Variants in GULP1 observed in about 807,000 individuals in gnomAD.
The protein encoded by GULP1 is PTB domain-containing engulfment adapter protein 1.
Under a neutral mutation model 40.9 loss-of-function variants are expected in GULP1, and 19 were observed. The observed-to-expected ratio is 0.46, with a 90% CI of 0.32 to 0.68. GULP1 has a LOEUF of 0.68. GULP1 is among the 30% of genes least tolerant of loss of function. GULP1 has a pLI of 0.03. For missense variants in GULP1, 312 were observed against 362.2 expected (o/e 0.86, Z 1.12); for synonymous variants, 119 against 117.6 (o/e 1.01, Z -0.08).
chr2:188,530,620 C>T (rs1023549541), intron 6 of GULP1, among the ~76,000 whole-genome samples: 4 of 152,060 alleles, frequency 2.6e-5, no homozygotes, highest in African/African-American at 4.8e-5. Context: ...GTAAGGACCA[C>T]GTGAAGGCAG....
At chr2:188,327,770 TTAG>T (rs1213739195) in intron 1 of GULP1, among the ~76,000 whole-genome samples, 2 of 152,150 alleles carry the variant, frequency 1.3e-5, no homozygotes, top group African/African-American at 2.4e-5. Flanking sequence ...TATTTTGCAC[TTAG>T]TAGAATATTT....
intron 1 of GULP1, among the ~76,000 whole-genome samples, chr2:188,368,065 T>A (rs2047039844): frequency 6.6e-6 from 1 of 152,180 alleles, no homozygotes; most frequent in Non-Finnish European, 1.5e-5. Context: ...CTTCTCTTTC[T>A]CTTTTTCTTC....
intron 4 of GULP1, among the ~76,000 whole-genome samples, chr2:188,489,548 C>A (rs1386332629): frequency 1.3e-5 from 2 of 151,778 alleles, no homozygotes; most frequent in African/African-American, 4.8e-5. Flanking sequence ...TATATTCATT[C>A]CAAACATTTT....
At chr2:188,515,226 A>G (rs1226904317) in intron 4 of GULP1, among the ~76,000 whole-genome samples, 2 of 152,132 alleles carry the variant, frequency 1.3e-5, no homozygotes, top group East Asian at 1.9e-4. Context: ...ATTCAGGAGT[A>G]TTAATGTCTC....
At chr2:188,320,867 AG>A (rs2039871183) in intron 1 of GULP1, among the ~76,000 whole-genome samples, 1 of 151,830 alleles carries the variant, frequency 6.6e-6, no homozygotes, top group African/African-American at 2.4e-5. Flanking sequence ...ATATGTTTTC[AG>A]ACATGTTAAT....
intron 4 of GULP1, among the ~76,000 whole-genome samples, chr2:188,522,398 A>G (rs2065876820): frequency 1.3e-5 from 2 of 152,124 alleles, no homozygotes; most frequent in Admixed American, 6.5e-5. Flanking sequence ...CATGCTTTGA[A>G]TGAAAAATAA....
chr2:188,510,678 A>G (rs2064424044), intron 4 of GULP1, among the ~76,000 whole-genome samples: 1 of 152,066 alleles, frequency 6.6e-6, no homozygotes, highest in African/African-American at 2.4e-5. Context: ...ATATGTGTAG[A>G]TATCCTAAAA....
At chr2:188,589,030 C>G (rs1702985859) in intron 11 of GULP1, 1 of 152,066 alleles carries the variant, frequency 6.6e-6, no homozygotes, top group African/African-American at 2.4e-5. Context: ...CAGTGTTTCT[C>G]AAGTTGAATG....
chr2:188,357,819 A>C (rs954334798), intron 1 of GULP1, among the ~76,000 whole-genome samples: 2 of 152,194 alleles, frequency 1.3e-5, no homozygotes, highest in Non-Finnish European at 1.5e-5. Context: ...CTTAGTGTAC[A>C]TAAACAGATG....
intron 7 of GULP1, among the ~76,000 whole-genome samples, chr2:188,557,115 C>T (rs150953234): frequency 1.3e-5 from 2 of 152,086 alleles, no homozygotes; most frequent in Non-Finnish European, 2.9e-5. Context: ...GTTTGACATG[C>T]GATTTGATAG....
chr2:188,375,909 C>T (rs1203291710), intron 1 of GULP1, among the ~76,000 whole-genome samples: 2 of 151,960 alleles, frequency 1.3e-5, no homozygotes, highest in Non-Finnish European at 2.9e-5. Flanking sequence ...ATTCCAGGGC[C>T]ACCAGCAGAT....
intron 3 of GULP1, among the ~76,000 whole-genome samples, chr2:188,482,151 A>T (rs1474598777): frequency 1.3e-5 from 2 of 151,916 alleles, no homozygotes; most frequent in East Asian, 3.9e-4. Flanking sequence ...TTGTATTGGA[A>T]ATACTTGAGA....
chr2:188,532,295 CAATT>C (rs1687751736), intron 6 of GULP1, among the ~76,000 whole-genome samples: 1 of 152,054 alleles, frequency 6.6e-6, no homozygotes, highest in Non-Finnish European at 1.5e-5. Flanking sequence ...AATACAAACA[CAATT>C]AAATGCAGTA....
In GULP1 at chr2:188,370,453, T is replaced by G. The variant is rs954052173; in HGVS notation, c.-171-13310T>G. Among the ~76,000 whole-genome samples the G allele has an allele frequency of 2.6e-5, 4 of 152,204 alleles. No individual in the cohort carries two copies. In the East Asian group the frequency reaches 5.8e-4, roughly 22 times the overall value. On this transcript the variant is annotated intron_variant, in intron 1 of 11. Coordinates refer to ENST00000409830, the MANE Select transcript of GULP1 (RefSeq NM_016315.4). ...TATTCCTCACTGAGTTTTTGAGACT[T>G]TCTTTGGATCTCATTGCATATTTTA...
intron 1 of GULP1, among the ~76,000 whole-genome samples, chr2:188,333,267 G>A (rs2041860018): frequency 6.6e-6 from 1 of 151,654 alleles, no homozygotes; most frequent in Admixed American, 6.6e-5. Flanking sequence ...AAATTTGGCA[G>A]GTATACTGAA....
intron 2 of GULP1, among the ~76,000 whole-genome samples, chr2:188,460,867 G>T (rs888962521): frequency 6.6e-6 from 1 of 152,048 alleles, no homozygotes; most frequent in African/African-American, 2.4e-5. Context: ...AGGGGATGTT[G>T]AATTTTCAGC....
intron 2 of GULP1, among the ~76,000 whole-genome samples, chr2:188,413,499 T>C (rs772014680): frequency 5.3e-5 from 8 of 152,226 alleles, no homozygotes; most frequent in African/African-American, 9.6e-5. Context: ...TTGAAAAGTG[T>C]CTGTTCATAT....
intron 1 of GULP1, among the ~76,000 whole-genome samples, chr2:188,319,095 T>A (rs1288938440): frequency 6.6e-6 from 1 of 152,216 alleles, no homozygotes; most frequent in Non-Finnish European, 1.5e-5. Context: ...GGGAACATGA[T>A]TAAAGCTGTT....
At chr2:188,581,215 A>G (rs1010957670) in intron 9 of GULP1, among the ~76,000 whole-genome samples, 1 of 152,096 alleles carries the variant, frequency 6.6e-6, no homozygotes, top group African/African-American at 2.4e-5. Flanking sequence ...TTTCTCCAGT[A>G]TGACTCAGTA....
Sources: gnomAD v4.1 joint callset for allele counts (sites outside exome capture counted in the v4.1 genomes callset) on GRCh38, gnomAD v4.1.1 for gene constraint, MANE v1.5 for transcripts, NCBI Gene and HGNC (gene_info 2026-07-23, HGNC 2026-07-21) for gene names.